The following KIF5C variants were observed in gnomAD, a reference collection of about 807,000 sequenced individuals.
KIF5C encodes kinesin family member 5C, also known as kinesin heavy chain isoform 5C.
In KIF5C, 18 loss-of-function variants were observed where a neutral mutation model predicts 125.2. The ratio of observed to expected loss-of-function variants is 0.14; its 90% CI spans 0.10 to 0.21. KIF5C has a LOEUF of 0.21. Ranked by LOEUF, KIF5C falls within the 10% of genes least tolerant of loss-of-function variation. KIF5C has a pLI of 1.00. For synonymous variants in KIF5C, 405 were observed against 434.0 expected (o/e 0.93, Z 0.83); for missense variants, 780 against 1,183.8 (o/e 0.66, Z 5.01).
intron 11 of KIF5C, among the ~76,000 whole-genome samples, chr2:148,970,533 A>G (rs1295513163): frequency 2.0e-5 from 3 of 152,216 alleles, no homozygotes; most frequent in African/African-American, 7.2e-5. Flanking sequence ...AAAAGGTACA[A>G]TGTGGCTTTA....
intron 1 of KIF5C, among the ~76,000 whole-genome samples, chr2:148,900,312 A>G (rs1680847355): frequency 6.6e-6 from 1 of 151,790 alleles, no homozygotes; most frequent in Admixed American, 6.6e-5. Context: ...TTGCCTCACC[A>G]TTTTCTATTT....
intron 1 of KIF5C, among the ~76,000 whole-genome samples, chr2:148,914,341 G>A (rs939682519): frequency 6.6e-6 from 1 of 152,202 alleles, no homozygotes. Context: ...TGAGGCACAG[G>A]TTCCATTATT....
At chr2:148,933,453 C>G (rs1304489675) in intron 3 of KIF5C, among the ~76,000 whole-genome samples, 1 of 151,714 alleles carries the variant, frequency 6.6e-6, no homozygotes, top group Non-Finnish European at 1.5e-5. Flanking sequence ...ATTCCACCCC[C>G]CCCACATACA....
intron 1 of KIF5C, among the ~76,000 whole-genome samples, chr2:148,887,433 C>T (rs1681569973): frequency 6.6e-6 from 1 of 151,802 alleles, no homozygotes; most frequent in Admixed American, 6.6e-5. Context: ...TAAGCTCAGT[C>T]CTAAGCATCA....
At chr2:148,937,427 C>G in intron 4 of KIF5C, 39 bp downstream of exon 4, 1 of 1,543,552 alleles carries the variant, frequency 6.5e-7, no homozygotes, top group Non-Finnish European at 8.7e-7. Context: ...AGACACTGGG[C>G]CCCAGATAAC....
intron 12 of KIF5C, among the ~76,000 whole-genome samples, chr2:148,977,431 C>G (rs976861529): frequency 6.6e-6 from 1 of 152,200 alleles, no homozygotes; most frequent in Non-Finnish European, 1.5e-5. Context: ...TCTTTGAATC[C>G]TTTATGCTAA....
chr2:148,991,347 C>T, intron 16 of KIF5C, 149 bp downstream of exon 16: 1 of 1,356,210 alleles, frequency 7.4e-7, no homozygotes, highest in South Asian at 1.6e-5. Flanking sequence ...CAGCCCAGGT[C>T]TATTCCTAGG....
intron 1 of KIF5C, among the ~76,000 whole-genome samples, chr2:148,916,758 G>GA (rs1301968538): frequency 2.6e-5 from 4 of 151,984 alleles, no homozygotes; most frequent in African/African-American, 9.7e-5. Flanking sequence ...AAAGCAGGGG[G>GA]AAAAAAGGAC....
At position 148,942,767 on chromosome 2, in the gene KIF5C, A is replaced by G. The variant is rs1553465029; in HGVS notation, c.589+7A>G. ...CGACACGTGGCTGTGACAAGTAAGC[A>G]TGGTGGGGGTGTTTCCTCCCCTGCA... On this transcript the variant is annotated splice_region_variant and intron_variant, in intron 7 of 25. Transcript: ENST00000435030. 5 of 1,606,140 alleles carry G rather than the reference A, an allele frequency of 3.1e-6. No individual in the cohort carries two copies. Among genetic ancestry groups the G allele is most frequent in the Non-Finnish European group, 4.3e-6 (5 of 1,176,422 alleles).
intron 1 of KIF5C, among the ~76,000 whole-genome samples, chr2:148,901,569 C>T (rs572075633): frequency 1.3e-5 from 2 of 152,120 alleles, no homozygotes; most frequent in South Asian, 2.1e-4. Flanking sequence ...ATATGGAAAC[C>T]GAACTAAGGA....
At chr2:149,002,720 GCATT>G (rs934533317) in intron 21 of KIF5C, among the ~76,000 whole-genome samples, 4 of 151,940 alleles carry the variant, frequency 2.6e-5, no homozygotes, top group South Asian at 2.1e-4. Flanking sequence ...GCACGCAGGC[GCATT>G]CACACCCGTC....
At chr2:148,953,460 T>G (rs1682716565) in intron 10 of KIF5C, among the ~76,000 whole-genome samples, 1 of 152,226 alleles carries the variant, frequency 6.6e-6, no homozygotes, top group Non-Finnish European at 1.5e-5. Context: ...CCTGCTGTAT[T>G]GTTAAATATA....
At chr2:148,903,274 A>G (rs1680975300) in intron 1 of KIF5C, among the ~76,000 whole-genome samples, 1 of 152,214 alleles carries the variant, frequency 6.6e-6, no homozygotes, top group African/African-American at 2.4e-5. Context: ...CTGTCATGTT[A>G]AATAAACAGG....
chr2:148,918,731 C>T (rs1334146472), intron 1 of KIF5C, among the ~76,000 whole-genome samples: 1 of 152,150 alleles, frequency 6.6e-6, no homozygotes, highest in East Asian at 1.9e-4. Context: ...CAAAGAGGGT[C>T]TAATCTAAGA....
rs1306823685 is a variant in KIF5C, at chr2:149,000,493, CAA to C, written c.2282_2283del (p.Gln761ArgfsTer15). 1 of 1,572,606 alleles carries C rather than the reference CAA, an allele frequency of 6.4e-7. No homozygotes were observed. Among genetic ancestry groups the C allele is most frequent in the Non-Finnish European group, 8.7e-7 (1 of 1,151,486 alleles). On this transcript the variant is annotated frameshift_variant, in exon 20 of 26. Transcript: ENST00000435030. LOFTEE classifies it high-confidence loss of function. ...TTATAACAAGCTGAAAATAGAGGAC[CAA>C]GAGAGAGAAATGAAGCTGGAAAAGC... is the stretch of plus-strand genomic sequence containing the variant. The part of the protein sequence containing the change: ...SDYNKLKIED[Q>X]EREMKLEKLL...
Position 148,922,176 on chromosome 2 carries a change from A to G in KIF5C, c.166A>G (p.Asn56Asp), listed in dbSNP as rs1283997440. The G allele has an allele frequency of 6.2e-7, 1 of 1,613,392 alleles. No individual in the cohort carries two copies. The highest frequency in any genetic ancestry group is 8.5e-7 in the Non-Finnish European group (1 of 1,179,750). Residue 56 changes from asparagine to aspartate, a missense_variant, in exon 2 of 26, where the codon AAC becomes GAC. By Grantham distance (23) the Asn-to-Asp change is conservative. This residue lies in a region of KIF5C where 207 missense variants were observed against 441.2 expected (regional missense o/e 0.47). Transcript: ENST00000435030. ...PYVFDRVLPPNTTQEQVYNAC... is the reference protein window; with the variant it reads ...PYVFDRVLPPDTTQEQVYNAC... ...TGTCTTCGACAGAGTGCTACCTCCC[A>G]ACACGACCCAAGAGCAGGTTTACAA... is the stretch of plus-strand genomic sequence containing the variant.
At chr2:148,884,423 T>A (rs1280724750) in intron 1 of KIF5C, 1 of 152,020 alleles carries the variant, frequency 6.6e-6, no homozygotes, top group Non-Finnish European at 1.5e-5. Context: ...GCTTTTTCTC[T>A]CCCCCCTTGA....
chr2:148,901,609 A>C (rs1387840635), intron 1 of KIF5C, among the ~76,000 whole-genome samples: 1 of 152,228 alleles, frequency 6.6e-6, no homozygotes, highest in Non-Finnish European at 1.5e-5. Flanking sequence ...AGATGCTTTC[A>C]ATTATTCCCA....
intron 1 of KIF5C, among the ~76,000 whole-genome samples, chr2:148,904,195 C>T (rs1453547930): frequency 6.6e-6 from 1 of 152,190 alleles, no homozygotes; most frequent in Admixed American, 6.5e-5. Flanking sequence ...ACCCCATTGT[C>T]TTAATTGTGC....
Sources: gnomAD v4.1 joint callset for allele counts (sites outside exome capture counted in the v4.1 genomes callset) on GRCh38, gnomAD v4.1.1 for gene constraint, gnomAD v4.1.1 regional missense constraint, MANE v1.5 for transcripts, NCBI Gene and HGNC (gene_info 2026-07-23, HGNC 2026-07-21) for gene names.